Variants in NOTCH1 observed in about 807,000 individuals in gnomAD.
The protein encoded by NOTCH1 is neurogenic locus notch homolog protein 1.
NOTCH1 carries 37 observed loss-of-function variants against 254.8 expected under a neutral mutation model. The observed-to-expected ratio is 0.15, with a 90% CI of 0.11 to 0.19. NOTCH1 has a LOEUF of 0.19. NOTCH1 is among the 10% of genes least tolerant of loss of function. The pLI, the probability that NOTCH1 is intolerant of heterozygous loss-of-function variation, is 1.00. For synonymous variants in NOTCH1, 1,731 were observed against 1,618.1 expected, an observed-to-expected ratio of 1.07 and a Z score of -1.68; for missense variants, 2,972 against 3,708.6, an observed-to-expected ratio of 0.80 and a Z score of 5.16.
At position 136,501,916 on chromosome 9, in the gene NOTCH1, A is replaced by G. The variant is rs2133329358; in HGVS notation, c.5473-3T>C. On this transcript the variant is annotated splice_polypyrimidine_tract_variant and splice_region_variant and intron_variant, in intron 29 of 33. Transcript: ENST00000651671. The stretch of plus-strand genomic sequence containing the variant: ...GGCAGAACCACGGGCTCCTCGAACT[A>G]CATAGAGGGAGTGAGCAGAGCCTGT... 1 of 1,611,540 alleles carries G rather than the reference A, an allele frequency of 6.2e-7. No individual in the cohort carries two copies. The highest frequency in any genetic ancestry group is 8.5e-7 in the Non-Finnish European group (1 of 1,179,954).
chr9:136,535,465 G>A (rs889802482), intron 2 of NOTCH1, among the ~76,000 whole-genome samples: 5 of 136,544 alleles, frequency 3.7e-5, no homozygotes, highest in African/African-American at 6.1e-5. Context: ...CAGGGTAGGC[G>A]GGGAGCACTC....
At chr9:136,534,028 C>A (rs1843603677) in intron 2 of NOTCH1, among the ~76,000 whole-genome samples, 1 of 152,234 alleles carries the variant, frequency 6.6e-6, no homozygotes, top group African/African-American at 2.4e-5. Context: ...GGAGCCACCG[C>A]CTCTGTGCCC....
At chr9:136,512,963 T>TCCC in intron 15 of NOTCH1, 58 bp downstream of exon 15, 25 of 490,126 alleles carry the variant, frequency 5.1e-5, no homozygotes, top group Middle Eastern at 6.5e-4. Flanking sequence ...CCAGCACAGG[T>TCCC]CCCGCCCCTC....
intron 1 of NOTCH1, among the ~76,000 whole-genome samples, chr9:136,544,483 G>A (rs1482378176): frequency 6.6e-6 from 1 of 152,134 alleles, no homozygotes; most frequent in Non-Finnish European, 1.5e-5. Context: ...TGAGGAGTCT[G>A]GCAGGGCAGG....
At chr9:136,517,966 C>T (rs765330002) in intron 7 of NOTCH1, 29 bp from the exon 8 acceptor site, 1 of 1,603,784 alleles carries the variant, frequency 6.2e-7, no homozygotes, top group South Asian at 1.1e-5. Context: ...TGAGAGGCTG[C>T]TCCAGGCACC....
chr9:136,517,952 C>A lies in NOTCH1; in HGVS notation c.1256-15G>T, dbSNP rs200086842. 1.2e-6 allele frequency: 2 copies of A among 1,606,976 alleles called. No homozygotes were observed. The highest frequency in any genetic ancestry group is 1.7e-6 in the Non-Finnish European group (2 of 1,179,794). The stretch of plus-strand genomic sequence containing the variant: ...GGGGTTGGCACCTGGCGAGGGCACA[C>A]GGGTGAGAGGCTGCTCCAGGCACCC... On this transcript the variant is annotated splice_polypyrimidine_tract_variant and intron_variant, in intron 7 of 33. Coordinates refer to ENST00000651671, the MANE Select transcript of NOTCH1 (RefSeq NM_017617.5).
At chr9:136,501,596 G>A (rs987445955) in intron 30 of NOTCH1, 152 bp downstream of exon 30, 13 of 934,650 alleles carry the variant, frequency 1.4e-5, no homozygotes, top group Middle Eastern at 3.3e-4. Context: ...ACCCCCCCAC[G>A]TCTACTCTGA....
intron 2 of NOTCH1, among the ~76,000 whole-genome samples, chr9:136,535,332 C>T (rs1413244210): frequency 6.6e-6 from 1 of 152,092 alleles, no homozygotes; most frequent in Non-Finnish European, 1.5e-5. Flanking sequence ...CCCTGTTTAA[C>T]CGTGCGGGCT....
chr9:136,502,949 C>T, intron 27 of NOTCH1: 1 of 698,162 alleles, frequency 1.4e-6, no homozygotes, highest in Non-Finnish European at 2.6e-6. Context: ...GAGAAGCAGG[C>T]ACCCACTTTC....
At chr9:136,544,818 T>C (rs906601549) in intron 1 of NOTCH1, among the ~76,000 whole-genome samples, 2 of 151,320 alleles carry the variant, frequency 1.3e-5, no homozygotes, top group Non-Finnish European at 2.9e-5. Flanking sequence ...GGGATGAAGG[T>C]CCCCCATTCG....
At position 136,519,516 on chromosome 9, in the gene NOTCH1, G is replaced by A. The variant is rs776687224; in HGVS notation, c.792C>T (p.Asn264=). Residue 264 remains asparagine, a synonymous_variant, in exon 5 of 34, where the codon AAC becomes AAT. Transcript: ENST00000651671. ...CACAGGCACCCCCGTTCTTGCAGTT[G>A]TTTCCTGGACAATCGTCGATATTTT... ...CEENIDDCPG[N]NCKNGGACVD... is the part of the protein sequence containing the mutation. The A allele has an allele frequency of 6.2e-7, 1 of 1,613,050 alleles. No homozygotes were observed. The highest frequency in any genetic ancestry group is 1.1e-5 in the South Asian group (1 of 91,092).
chr9:136,520,289 C>T (rs1289205663), intron 4 of NOTCH1, among the ~76,000 whole-genome samples: 1 of 152,182 alleles, frequency 6.6e-6, no homozygotes, highest in Non-Finnish European at 1.5e-5. Context: ...CCCCGTTGCC[C>T]TTGGAGCTCC....
chr9:136,514,074 T>G (rs554966121), intron 13 of NOTCH1, among the ~76,000 whole-genome samples: 6 of 152,298 alleles, frequency 3.9e-5, no homozygotes, highest in African/African-American at 1.4e-4. Flanking sequence ...AGTAGGGTGC[T>G]GCGAAAAGCC....
intron 13 of NOTCH1, 23 bp downstream of exon 13, chr9:136,514,487 C>T (rs1269998887): frequency 6.4e-7 from 1 of 1,551,300 alleles, no homozygotes; most frequent in South Asian, 1.2e-5. Context: ...TGATGTGTCC[C>T]CATGATCGGC....
rs1843231841 is a variant in NOTCH1 at position 136,514,547 on chromosome 9, G to A, written c.2170C>T (p.Pro724Ser). The change falls in exon 13 of 34, where the codon CCC becomes TCC. Residue 724 changes from proline to serine, a missense_variant. Pro to Ser is a moderately conservative substitution (Grantham distance 74, BLOSUM62 -1). Around this residue, in one of 8 missense-constraint regions of NOTCH1, gnomAD observed 1,343 missense variants for 1,557.0 expected, o/e 0.86. Transcript: ENST00000651671. ...TCCCGGCAGGCCCCGTGGACGCAGG[G>A]GTTGCTGTTGCACTCATTGACCTCA... ...LSEVNECNSN[P>S]CVHGACRDSL... 6.2e-7 allele frequency: 1 copy of A among 1,602,926 alleles called. No homozygotes were observed. The highest frequency in any genetic ancestry group is 1.3e-5 in the African/African-American group (1 of 74,862).
rs1843389364 is a variant in NOTCH1, at chr9:136,522,582, G to C, written c.742+268C>G. On this transcript the variant is annotated intron_variant, in intron 4 of 33. Transcript: ENST00000651671. ...GGTGCCTGCACTGGGGGGAGGCAGGGCGTCCTACAGCTCGAATGTGAGTTC... is the reference window on the plus strand; with the variant it reads ...GGTGCCTGCACTGGGGGGAGGCAGGCCGTCCTACAGCTCGAATGTGAGTTC... The C allele has an allele frequency of 1.8e-5, 9 of 496,092 alleles. No homozygotes were observed. The East Asian group carries it at 3.0e-4, about 16-fold the overall frequency. 30.7% of individuals were successfully genotyped at this position (496,092 alleles called of 1,614,324 possible).
At chr9:136,509,289 G>A (rs1843139858) in intron 18 of NOTCH1, among the ~76,000 whole-genome samples, 1 of 152,204 alleles carries the variant, frequency 6.6e-6, no homozygotes, top group African/African-American at 2.4e-5. Flanking sequence ...TTCTTTATAA[G>A]TCAGGTCGAG....
intron 2 of NOTCH1, among the ~76,000 whole-genome samples, chr9:136,536,895 A>G (rs893426947): frequency 4.6e-5 from 7 of 152,246 alleles, no homozygotes; most frequent in African/African-American, 1.7e-4. Flanking sequence ...TCTACTTTGC[A>G]TTCTTACAGC....
Position 136,496,995 on chromosome 9 carries a change from G to A in NOTCH1, c.6744C>T (p.Asn2248=), listed in dbSNP as rs372771288. The part of the protein sequence containing the change: ...PDTHLGIGHL[N]VAAKPEMAAL... ...CCGCCATCTCGGGCTTGGCCGCCAC[G>A]TTCAGGTGCCCGATGCCCAGGTGGG... The change falls in exon 34 of 34, where the codon AAC becomes AAT. Residue 2248 remains asparagine, a synonymous_variant. Transcript: ENST00000651671. 1.0e-4 allele frequency: 168 copies of A among 1,610,194 alleles called. 1 individual carries two copies. The highest frequency in any genetic ancestry group is 1.3e-4 in the Non-Finnish European group (149 of 1,178,954).
Sources: gnomAD v4.1 joint callset for allele counts (sites outside exome capture counted in the v4.1 genomes callset) on GRCh38, gnomAD v4.1.1 for gene constraint, gnomAD v4.1.1 regional missense constraint, MANE v1.5 for transcripts, NCBI Gene and HGNC (gene_info 2026-07-23, HGNC 2026-07-21) for gene names.